The following SPAG9 variants were observed in gnomAD, a reference collection of about 807,000 sequenced individuals.
The protein encoded by SPAG9 is sperm associated antigen 9, also known as C-Jun-amino-terminal kinase-interacting protein 4.
In SPAG9, 35 loss-of-function variants were observed where a neutral mutation model predicts 166.5. The ratio of observed to expected loss-of-function variants is 0.21; its 90% CI spans 0.16 to 0.28. SPAG9 has a LOEUF of 0.28. Among genes scored for constraint, SPAG9 ranks in the 10% least tolerant of loss-of-function variants. SPAG9 has a pLI of 1.00. For synonymous variants in SPAG9, 534 were observed against 565.5 expected, an observed-to-expected ratio of 0.94 and a Z score of 0.79; for missense variants, 1,235 against 1,603.3, an observed-to-expected ratio of 0.77 and a Z score of 3.92.
At chr17:51,112,075 TTAAC>T (rs1346201397) in intron 1 of SPAG9, among the ~76,000 whole-genome samples, 1 of 152,076 alleles carries the variant, frequency 6.6e-6, no homozygotes, top group Non-Finnish European at 1.5e-5. Context: ...TAAGTAATAA[TTAAC>T]TAACAAATTA....
Position 51,059,725 on chromosome 17 carries a change from C to A in SPAG9, c.425-3243G>T, listed in dbSNP as rs113315243. ...CAGAGGTTGCAGTGAGACAAGATTGCGCCACTGCAACTCCAGCCTGGCGAC... is the reference window on the plus strand; with the variant it reads ...CAGAGGTTGCAGTGAGACAAGATTGAGCCACTGCAACTCCAGCCTGGCGAC... On this transcript the variant is annotated intron_variant, in intron 2 of 29. Coordinates refer to ENST00000262013, the MANE Select transcript of SPAG9 (RefSeq NM_001130528.3). Among the ~76,000 whole-genome samples, 925 of 151,928 alleles carry A rather than the reference C, an allele frequency of 6.1e-3. 3 individuals carry two copies. The highest frequency in any genetic ancestry group is 0.01 in the Non-Finnish European group (707 of 67,980).
chr17:50,978,753 T>C (rs997244922), intron 26 of SPAG9, among the ~76,000 whole-genome samples: 1 of 151,958 alleles, frequency 6.6e-6, no homozygotes, highest in Non-Finnish European at 1.5e-5. Flanking sequence ...GACCCTGAAA[T>C]GGGAAGGAGC....
rs764156912 is a variant in SPAG9 at position 50,995,245 on chromosome 17, A to G, written c.2059-21T>C. The G allele has an allele frequency of 5.0e-6, 8 of 1,603,612 alleles. No homozygotes were observed. In the South Asian group the frequency reaches 7.8e-5, roughly 16 times the overall value. On this transcript the variant is annotated intron_variant, in intron 17 of 29. Transcript: ENST00000262013. ...CACAGCTTCTCAGGTGAAAAAGAAA[A>G]CAATATTAAGTCTAGAAATGTTTAG...
chr17:50,998,545 A>G lies in SPAG9; in HGVS notation c.1737T>C (p.Asn579=), dbSNP rs1386592820. 3.7e-6 allele frequency: 6 copies of G among 1,614,164 alleles called. No homozygotes were observed. The Admixed American group carries it at 6.7e-5, about 18-fold the overall frequency. The change falls in exon 15 of 30, where the codon AAT becomes AAC. Residue 579 remains asparagine (N), a synonymous_variant. Transcript: ENST00000262013. ...KPEPPVNLKY[N]APTSHVTPSV... ...ACGGAGTAACATGAGACGTGGGTGC[A>G]TTGTACTTCAGATTAACAGGTGGTT...
intron 14 of SPAG9, 185 bp downstream of exon 14, chr17:50,999,476 C>A (rs773684489): frequency 1.3e-6 from 2 of 1,506,230 alleles, no homozygotes; most frequent in South Asian, 1.3e-5. Flanking sequence ...AGAGCCTTAC[C>A]GAGTTGGCAC....
At chr17:51,108,351 C>T (rs1371438450) in intron 1 of SPAG9, among the ~76,000 whole-genome samples, 1 of 143,196 alleles carries the variant, frequency 7.0e-6, no homozygotes, top group Non-Finnish European at 1.5e-5. Context: ...TGCACCACTA[C>T]ACTCCAGCCT....
chr17:50,983,180 A>G (rs146693963), intron 24 of SPAG9, among the ~76,000 whole-genome samples: 1 of 152,232 alleles, frequency 6.6e-6, no homozygotes, highest in Non-Finnish European at 1.5e-5. Flanking sequence ...TTTTGTGAGC[A>G]TACTGCCTCA....
intron 19 of SPAG9, among the ~76,000 whole-genome samples, chr17:50,992,368 T>C (rs1474506989): frequency 6.6e-6 from 1 of 152,164 alleles, no homozygotes; most frequent in Non-Finnish European, 1.5e-5. Context: ...AACTTCTACC[T>C]AGAGGATAAT....
intron 2 of SPAG9, among the ~76,000 whole-genome samples, chr17:51,074,184 C>T (rs1367145688): frequency 3.3e-5 from 5 of 149,626 alleles, no homozygotes; most frequent in African/African-American, 9.9e-5. Flanking sequence ...TGCAGTGAGC[C>T]GAGATCACAC....
intron 9 of SPAG9, among the ~76,000 whole-genome samples, chr17:51,011,385 C>CTTTT (rs148325625): frequency 7.2e-6 from 1 of 139,370 alleles, no homozygotes; most frequent in African/African-American, 2.6e-5. Flanking sequence ...AAGCCAAGGA[C>CTTTT]TTTTTTTTTT....
intron 3 of SPAG9, among the ~76,000 whole-genome samples, chr17:51,055,667 A>C (rs1598097372): frequency 1.3e-5 from 2 of 152,266 alleles, no homozygotes; most frequent in Admixed American, 1.3e-4. Flanking sequence ...TAGCAAGGGG[A>C]AAGAGAGAGG....
chr17:50,995,054 T>C lies in SPAG9; in HGVS notation c.2226+3A>G. 1 of 1,609,894 alleles carries C rather than the reference T, an allele frequency of 6.2e-7. No homozygotes were observed. The highest frequency in any genetic ancestry group is 8.5e-7 in the Non-Finnish European group (1 of 1,177,380). On this transcript the variant is annotated splice_donor_region_variant and intron_variant, in intron 18 of 29. Coordinates refer to ENST00000262013, the MANE Select transcript of SPAG9 (RefSeq NM_001130528.3). ...CAGGTCAAATGTTAGTACACACACT[T>C]ACCTTAAGTTCCTGATCTAACTTAT...
At chr17:51,025,556 T>C (rs143361061) in intron 6 of SPAG9, among the ~76,000 whole-genome samples, 5 of 152,058 alleles carry the variant, frequency 3.3e-5, no homozygotes, top group African/African-American at 1.2e-4. Context: ...CTGAGCACCA[T>C]TTGCATTGTC....
intron 12 of SPAG9, 145 bp downstream of exon 12, chr17:51,005,067 T>C: frequency 1.5e-6 from 1 of 669,636 alleles, no homozygotes; most frequent in Non-Finnish European, 2.5e-6. Context: ...TGCAGAAGCA[T>C]GAGCTATCCT....
intron 2 of SPAG9, among the ~76,000 whole-genome samples, chr17:51,071,842 T>C (rs16949613): frequency 0.025 from 3,866 of 152,264 alleles, 173 homozygotes; most frequent in East Asian, 0.19. Flanking sequence ...TCCTAAAATA[T>C]GTTCATGAGA....
intron 6 of SPAG9, among the ~76,000 whole-genome samples, chr17:51,025,277 C>T (rs1039885147): frequency 7.7e-6 from 1 of 130,052 alleles, no homozygotes; most frequent in African/African-American, 2.9e-5. Context: ...AAAATTGTGC[C>T]ACCACACTCC....
chr17:51,040,139 C>T (rs2046777417), intron 5 of SPAG9, among the ~76,000 whole-genome samples: 1 of 150,586 alleles, frequency 6.6e-6, no homozygotes. Flanking sequence ...GAAGCTGAGA[C>T]AGGAGAATTG....
chr17:50,982,616 A>C lies in SPAG9; in HGVS notation c.3145T>G (p.Ser1049Ala). ...HLLDLGRPHHSIRCMTVVHDK... is the reference protein window; with the variant it reads ...HLLDLGRPHHAIRCMTVVHDK... ...TGTACCACAGTCATGCAACGGATGG[A>C]ATGATGAGGCCGTCCAAGGTCTAAG... The change falls in exon 25 of 30, where the codon TCC (serine) becomes GCC (alanine). Residue 1049 changes from serine (S) to alanine (A), a missense_variant. By Grantham distance (99) the Ser-to-Ala change is moderately conservative (BLOSUM62 1). This residue lies in a region of SPAG9 where 243 missense variants were observed against 358.6 expected (regional missense o/e 0.68). Coordinates refer to ENST00000262013, the MANE Select transcript of SPAG9 (RefSeq NM_001130528.3). 1 of 1,614,004 alleles carries C rather than the reference A, an allele frequency of 6.2e-7. No homozygotes were observed. Among genetic ancestry groups the C allele is most frequent in the Non-Finnish European group, 8.5e-7 (1 of 1,179,918 alleles).
intron 6 of SPAG9, among the ~76,000 whole-genome samples, chr17:51,023,016 A>T (rs1381847920): frequency 6.7e-6 from 1 of 149,058 alleles, no homozygotes; most frequent in African/African-American, 2.4e-5. Context: ...TCATTCACTA[A>T]ATGTATGACC....
Sources: allele counts gnomAD v4.1 joint callset (sites outside exome capture counted in the v4.1 genomes callset), GRCh38; gene constraint gnomAD v4.1.1; regional missense constraint gnomAD v4.1.1; transcripts MANE v1.5; gene names NCBI Gene and HGNC (gene_info 2026-07-23, HGNC 2026-07-21).